SHISA6: variants seen among roughly 807,000 people sequenced by gnomAD.
SHISA6 encodes shisa family member 6.
SHISA6 carries 22 observed loss-of-function variants against 47.9 expected under a neutral mutation model. The ratio of observed to expected loss-of-function variants is 0.46; its 90% confidence interval spans 0.33 to 0.66. SHISA6 has a LOEUF of 0.66. SHISA6 is among the 30% of genes least tolerant of loss of function. The pLI is 0.02. For synonymous variants in SHISA6, 388 were observed against 337.8 expected, an observed-to-expected ratio of 1.15 and a Z score of -1.63; for missense variants, 680 against 764.6, an observed-to-expected ratio of 0.89 and a Z score of 1.30.
At chr17:11,390,663 A>G (rs1364967062) in intron 3 of SHISA6, among the ~76,000 whole-genome samples, 1 of 152,208 alleles carries the variant, frequency 6.6e-6, no homozygotes, top group Non-Finnish European at 1.5e-5. Flanking sequence ...TCTAAGATTC[A>G]TATGCCACAC....
intron 3 of SHISA6, among the ~76,000 whole-genome samples, chr17:11,499,059 C>G (rs753823363): frequency 2.0e-5 from 3 of 152,176 alleles, no homozygotes; most frequent in African/African-American, 4.8e-5. Context: ...TTGGGCTGGG[C>G]TGCACCCTCA....
chr17:11,556,557 G>C (rs896037247), intron 5 of SHISA6, among the ~76,000 whole-genome samples: 1 of 152,124 alleles, frequency 6.6e-6, no homozygotes, highest in African/African-American at 2.4e-5. Flanking sequence ...AGTCTCTTTT[G>C]ATGACCACCC....
At chr17:11,317,850 C>A (rs2108975) in intron 2 of SHISA6, among the ~76,000 whole-genome samples, 83,527 of 144,508 alleles carry the variant, frequency 0.58, 24,577 homozygotes, top group Middle Eastern at 0.67. Context: ...TATTTTAATT[C>A]TTTTTGTTAA....
At chr17:11,252,694 C>G (rs968877455) in intron 1 of SHISA6, among the ~76,000 whole-genome samples, 2 of 152,186 alleles carry the variant, frequency 1.3e-5, no homozygotes, top group Non-Finnish European at 2.9e-5. Flanking sequence ...GATACAATCA[C>G]TAGGGAATTC....
At chr17:11,508,689 C>T (rs1475845755) in intron 3 of SHISA6, among the ~76,000 whole-genome samples, 2 of 138,086 alleles carry the variant, frequency 1.4e-5, no homozygotes, top group Non-Finnish European at 3.1e-5. Context: ...TCCTTCTCTG[C>T]CTTCTTCCTT....
intron 3 of SHISA6, among the ~76,000 whole-genome samples, chr17:11,390,435 C>G (rs1913346674): frequency 1.3e-5 from 2 of 152,160 alleles, no homozygotes; most frequent in Admixed American, 1.3e-4. Context: ...TCTTACCCCT[C>G]AAAGGATGAT....
intron 2 of SHISA6, among the ~76,000 whole-genome samples, chr17:11,304,796 C>T (rs892782984): frequency 2.0e-5 from 3 of 148,934 alleles, no homozygotes; most frequent in Admixed American, 1.3e-4. Context: ...CAGAACTGTT[C>T]CCGGTAGGAG....
At chr17:11,442,506 A>G (rs1257776319) in intron 3 of SHISA6, among the ~76,000 whole-genome samples, 1 of 152,222 alleles carries the variant, frequency 6.6e-6, no homozygotes, top group Non-Finnish European at 1.5e-5. Context: ...AAGCTTAGAC[A>G]AAGTACTTAA....
At chr17:11,311,175 A>C (rs1448299910) in intron 2 of SHISA6, among the ~76,000 whole-genome samples, 1 of 149,306 alleles carries the variant, frequency 6.7e-6, no homozygotes, top group Non-Finnish European at 1.5e-5. Context: ...CCAGCTACTC[A>C]GGAGGCTGAG....
At chr17:11,291,836 T>A (rs2043762282) in intron 2 of SHISA6, among the ~76,000 whole-genome samples, 1 of 152,108 alleles carries the variant, frequency 6.6e-6, no homozygotes, top group Non-Finnish European at 1.5e-5. Flanking sequence ...ACCTCCTCTT[T>A]TAGGGAGACA....
chr17:11,447,808 T>C (rs1915274791), intron 3 of SHISA6, among the ~76,000 whole-genome samples: 1 of 152,148 alleles, frequency 6.6e-6, no homozygotes, highest in African/African-American at 2.4e-5. Context: ...GGCTGGCATG[T>C]TTTGCTATGG....
At chr17:11,333,942 A>G (rs974706624) in intron 2 of SHISA6, among the ~76,000 whole-genome samples, 4 of 152,198 alleles carry the variant, frequency 2.6e-5, no homozygotes, top group African/African-American at 9.7e-5. Context: ...TTCTACCACC[A>G]TCCAGAGAGG....
At chr17:11,332,047 A>T (rs205034) in intron 2 of SHISA6, among the ~76,000 whole-genome samples, 9 of 139,118 alleles carry the variant, frequency 6.5e-5, no homozygotes, top group African/African-American at 2.5e-4. Context: ...TCCCCCTCGG[A>T]CTCCCCCTCT....
intron 3 of SHISA6, among the ~76,000 whole-genome samples, chr17:11,525,273 C>T (rs1364551757): frequency 6.6e-6 from 1 of 152,070 alleles, no homozygotes; most frequent in Non-Finnish European, 1.5e-5. Context: ...AAGAACACAA[C>T]CAGTCGTAGG....
intron 3 of SHISA6, among the ~76,000 whole-genome samples, chr17:11,442,074 G>A (rs892729657): frequency 7.2e-5 from 11 of 152,188 alleles, no homozygotes; most frequent in African/African-American, 2.4e-4. Context: ...TTTTCTGGGT[G>A]TATAGAGCCT....
At chr17:11,521,601 TAGTGAGACCCCAGGGCAAC>T (rs2071630208) in intron 3 of SHISA6, among the ~76,000 whole-genome samples, 1 of 47,228 alleles carries the variant, frequency 2.1e-5, no homozygotes, top group Non-Finnish European at 4.4e-5. Flanking sequence ...CTGGACAACA[TAGTGAGACCCCAGGGCAAC>T]ATAGTGAGAC....
chr17:11,527,340 A>G (rs1305595536), intron 3 of SHISA6, among the ~76,000 whole-genome samples: 1 of 152,158 alleles, frequency 6.6e-6, no homozygotes, highest in Non-Finnish European at 1.5e-5. Flanking sequence ...ACAGGAGTCA[A>G]AGGTTAAGCT....
chr17:11,501,706 A>C (rs1028959847), intron 3 of SHISA6, among the ~76,000 whole-genome samples: 1 of 152,050 alleles, frequency 6.6e-6, no homozygotes, highest in African/African-American at 2.4e-5. Flanking sequence ...ACAGAGAGAG[A>C]GAGAGACAGA....
At chr17:11,254,604 G>A (rs149638850) in intron 1 of SHISA6, among the ~76,000 whole-genome samples, 7 of 152,256 alleles carry the variant, frequency 4.6e-5, no homozygotes, top group South Asian at 2.1e-4. Flanking sequence ...CCATCCATGC[G>A]TCTAGGGCAG....
Sources: gnomAD v4.1 joint callset for allele counts (sites outside exome capture counted in the v4.1 genomes callset) on GRCh38, gnomAD v4.1.1 for gene constraint, MANE v1.5 for transcripts, NCBI Gene and HGNC (gene_info 2026-07-23, HGNC 2026-07-21) for gene names.